Variants in EXOC2 observed in about 807,000 individuals in gnomAD.
The protein encoded by EXOC2 is SEC5-like 1.
Under a neutral mutation model 131.8 loss-of-function variants are expected in EXOC2, and 70 were observed. The observed-to-expected ratio is 0.53, with a 90% CI of 0.44 to 0.65. The LOEUF is 0.65. Among genes scored for constraint, EXOC2 ranks in the 30% least tolerant of loss-of-function variants. The pLI, the probability that EXOC2 is intolerant of heterozygous loss-of-function variation, is 0.00. For missense variants in EXOC2, 923 were observed against 1,108.6 expected (o/e 0.83, Z 2.38); for synonymous variants, 411 against 398.4 (o/e 1.03, Z -0.38).
rs141573474 is a variant in EXOC2 at position 520,908 on chromosome 6, G to A, written c.2380+11561C>T. ...GCGCCAACACTCACCGTCCACACTC[G>A]GACATGAAAATCACCACCCACCGAG... On this transcript the variant is annotated intron_variant, in intron 23 of 27. Transcript: ENST00000230449. Among the ~76,000 whole-genome samples, 890 of 139,198 alleles carry A rather than the reference G, an allele frequency of 6.4e-3. 16 individuals carry two copies. Among genetic ancestry groups the A allele is most frequent in the African/African-American group, 0.023 (828 of 35,614 alleles). The allele number at this position is 139,198 out of a possible 152,430, so 91.3% of individuals were successfully genotyped here. A position where few individuals can be genotyped will look rare whatever the true frequency, so the allele number is the denominator to read the frequency against.
At chr6:596,417 G>A (rs4335022) in intron 10 of EXOC2, among the ~76,000 whole-genome samples, 16,954 of 151,714 alleles carry the variant, frequency 0.11, 1,208 homozygotes, top group East Asian at 0.15. Context: ...ACCCAGGCTC[G>A]AGTGCAGTGG....
chr6:682,231 G>A (rs1367655739), intron 1 of EXOC2, among the ~76,000 whole-genome samples: 3 of 139,224 alleles, frequency 2.2e-5, no homozygotes, highest in African/African-American at 5.4e-5. Context: ...ACGGAGTCTC[G>A]CTCTGTCACC....
At chr6:638,385 C>T (rs901989365) in intron 1 of EXOC2, among the ~76,000 whole-genome samples, 26 of 152,220 alleles carry the variant, frequency 1.7e-4, no homozygotes, top group Admixed American at 1.2e-3. Flanking sequence ...AAACCTAGAA[C>T]GTAGATACAG....
chr6:509,958 T>C (rs1764753201), intron 23 of EXOC2, among the ~76,000 whole-genome samples: 1 of 152,164 alleles, frequency 6.6e-6, no homozygotes, highest in South Asian at 2.1e-4. Flanking sequence ...TAAAAATAGA[T>C]TCAAAAATAC....
chr6:583,550 A>G (rs1380093839), intron 11 of EXOC2, among the ~76,000 whole-genome samples: 1 of 152,230 alleles, frequency 6.6e-6, no homozygotes, highest in Non-Finnish European at 1.5e-5. Flanking sequence ...CTGTTACTTT[A>G]CTACATGGGG....
intron 2 of EXOC2, among the ~76,000 whole-genome samples, chr6:635,241 A>T (rs1762045581): frequency 6.6e-6 from 1 of 152,220 alleles, no homozygotes; most frequent in Non-Finnish European, 1.5e-5. Flanking sequence ...TTTAAAACTG[A>T]GGAATAAGAG....
In EXOC2 at chr6:686,789, G is replaced by A. The variant is rs1264033977; in HGVS notation, c.-44+6230C>T. On this transcript the variant is annotated intron_variant, in intron 1 of 27. Coordinates refer to ENST00000230449, the MANE Select transcript of EXOC2 (RefSeq NM_018303.6). ...TCACTATGTTGCACAGGGAAAGGCT[G>A]CAGGTCTAAAGGTGACTGGACTTCC... is the stretch of plus-strand genomic sequence containing the variant. 2.0e-5 allele frequency among the ~76,000 whole-genome samples: 3 copies of A among 152,222 alleles called. No homozygotes were observed. The East Asian group carries it at 5.8e-4, about 29-fold the overall frequency.
intron 1 of EXOC2, chr6:669,550 C>T (rs906160384): frequency 3.3e-5 from 5 of 152,272 alleles, no homozygotes; most frequent in African/African-American, 4.8e-5. Context: ...GTTCTGCTGG[C>T]CTTTCAACCT....
At chr6:577,610 T>C (rs575235414) in intron 11 of EXOC2, among the ~76,000 whole-genome samples, 1 of 152,332 alleles carries the variant, frequency 6.6e-6, no homozygotes, top group Admixed American at 6.5e-5. Context: ...AGTAAGGACA[T>C]TGGCTTGAAG....
intron 25 of EXOC2, among the ~76,000 whole-genome samples, chr6:494,167 C>T (rs1456918522): frequency 6.6e-6 from 1 of 152,280 alleles, no homozygotes; most frequent in African/African-American, 2.4e-5. Context: ...AAACTGGTGG[C>T]AAATGGAAAC....
At chr6:690,841 G>T (rs139516648) in intron 1 of EXOC2, among the ~76,000 whole-genome samples, 1 of 152,304 alleles carries the variant, frequency 6.6e-6, no homozygotes, top group African/African-American at 2.4e-5. Flanking sequence ...TGTGATTTCA[G>T]CAGGCAGTCC....
At chr6:554,166 T>C (rs1757297083) in intron 20 of EXOC2, among the ~76,000 whole-genome samples, 1 of 151,936 alleles carries the variant, frequency 6.6e-6, no homozygotes, top group Non-Finnish European at 1.5e-5. Flanking sequence ...CTCAGCCTCC[T>C]GAGTAGCTGG....
In EXOC2 at chr6:520,745, A is replaced by G. The variant is rs370429324; in HGVS notation, c.2380+11724T>C. ...AACCACGCACGGAGCGCCGACACTC[A>G]CCGTCCACACTCGGACATGAAAACC... is the stretch of plus-strand genomic sequence containing the variant. On this transcript the variant is annotated intron_variant, in intron 23 of 27. Transcript: ENST00000230449. Among the ~76,000 whole-genome samples the G allele has an allele frequency of 2.0e-3, 234 of 119,062 alleles. 12 individuals are homozygous for G. Among genetic ancestry groups the G allele is most frequent in the African/African-American group, 6.2e-3 (175 of 28,266 alleles). The allele number at this position is 119,062 out of a possible 152,430, so 78.1% of individuals were successfully genotyped here. A position where few individuals can be genotyped will look rare whatever the true frequency, so the allele number is the denominator to read the frequency against.
intron 1 of EXOC2, among the ~76,000 whole-genome samples, chr6:654,803 C>CAAA (rs66637987): frequency 0.03 from 896 of 29,478 alleles, 295 homozygotes; most frequent in African/African-American, 0.039. Flanking sequence ...GACCCTGTCT[C>CAAA]AAAAAAAAAA....
chr6:552,023 C>A (rs975570347), intron 21 of EXOC2, among the ~76,000 whole-genome samples: 2 of 152,228 alleles, frequency 1.3e-5, no homozygotes, highest in Non-Finnish European at 2.9e-5. Context: ...CACAGAGTGC[C>A]TTGGCGGCTC....
At chr6:596,058 C>A (rs1211763218) in intron 10 of EXOC2, among the ~76,000 whole-genome samples, 1 of 152,042 alleles carries the variant, frequency 6.6e-6, no homozygotes, top group East Asian at 1.9e-4. Flanking sequence ...TTCACCTGTA[C>A]AATGGGCACC....
intron 22 of EXOC2, among the ~76,000 whole-genome samples, chr6:542,734 T>C (rs768696643): frequency 2.0e-5 from 3 of 152,180 alleles, no homozygotes; most frequent in Admixed American, 6.5e-5. Flanking sequence ...AAGCTGGCAT[T>C]GAATGTGTAC....
intron 22 of EXOC2, among the ~76,000 whole-genome samples, chr6:540,810 G>A (rs867822230): frequency 2.0e-5 from 3 of 152,014 alleles, no homozygotes; most frequent in African/African-American, 4.8e-5. Context: ...CAGAGCCAAG[G>A]GAACAAACAG....
At chr6:536,462 A>G (rs1389509499) in intron 22 of EXOC2, among the ~76,000 whole-genome samples, 3 of 152,202 alleles carry the variant, frequency 2.0e-5, no homozygotes, top group African/African-American at 7.2e-5. Flanking sequence ...AAGATGGCCT[A>G]AACAAATAAA....
Sources: allele counts gnomAD v4.1 joint callset (sites outside exome capture counted in the v4.1 genomes callset), GRCh38; gene constraint gnomAD v4.1.1; transcripts MANE v1.5; gene names NCBI Gene and HGNC (gene_info 2026-07-23, HGNC 2026-07-21).